The following DOP1B variants were observed in gnomAD, a reference collection of about 807,000 sequenced individuals.
The protein encoded by DOP1B is protein DOP1B.
In DOP1B, 174 loss-of-function variants were observed where a neutral mutation model predicts 233.5. That is an observed-to-expected ratio of 0.75 (90% CI 0.66 to 0.85). The LOEUF is 0.85. Among genes scored for constraint, DOP1B ranks in the 40% least tolerant of loss-of-function variants. DOP1B has a pLI of 0.00. For missense variants in DOP1B, 2,652 were observed against 2,846.6 expected (o/e 0.93, Z 1.56); for synonymous variants, 1,190 against 1,185.6 (o/e 1.00, Z -0.08).
chr21:36,262,009 C>T (rs1043973954), intron 24 of DOP1B: 3 of 974,996 alleles, frequency 3.1e-6, no homozygotes, highest in Non-Finnish European at 3.7e-6. Flanking sequence ...GTAAATAACT[C>T]CAACAACCAG....
At chr21:36,228,720 A>G (rs2066722329) in intron 13 of DOP1B, among the ~76,000 whole-genome samples, 2 of 151,958 alleles carry the variant, frequency 1.3e-5, no homozygotes, top group Non-Finnish European at 1.5e-5. Context: ...GAGCCGAGAT[A>G]GTGCCACTGC....
At chr21:36,168,834 A>G (rs914079595) in intron 2 of DOP1B, 4 of 324,326 alleles carry the variant, frequency 1.2e-5, no homozygotes, top group African/African-American at 6.6e-5. Context: ...TGCCCAGCCT[A>G]TTTTCAGTTT....
At position 36,212,034 on chromosome 21, in the gene DOP1B, G is replaced by T; in HGVS notation, c.841G>T (p.Ala281Ser). 6.2e-7 allele frequency: 1 copy of T among 1,613,716 alleles called. No homozygotes were observed. The change falls in exon 7 of 37, where the codon GCC becomes TCC. Residue 281 changes from alanine to serine, a missense_variant. Coordinates refer to ENST00000691173, the MANE Select transcript of DOP1B (RefSeq NM_001320714.2). ...TGACATCGTGCGCATTCTCTCAGCC[G>T]CCACCCAGACCCTACTGAGAAGGGA... ...RSDIVRILSA[A>S]TQTLLRRDMS...
chr21:36,157,242 C>T (rs1568989413), intron 1 of DOP1B, among the ~76,000 whole-genome samples: 1 of 152,140 alleles, frequency 6.6e-6, no homozygotes, highest in Non-Finnish European at 1.5e-5. Context: ...TGATGCCGGC[C>T]ACGCCCTCGC....
intron 24 of DOP1B, chr21:36,261,759 A>G (rs1360109925): frequency 1.4e-5 from 10 of 711,940 alleles, no homozygotes; most frequent in Non-Finnish European, 1.7e-5. Flanking sequence ...ACTACAAAAA[A>G]TTAGCCAGGG....
At chr21:36,212,868 G>C (rs954119653) in intron 7 of DOP1B, among the ~76,000 whole-genome samples, 2 of 152,112 alleles carry the variant, frequency 1.3e-5, no homozygotes, top group Non-Finnish European at 2.9e-5. Flanking sequence ...TACAACCTCG[G>C]CCTCCCAAGT....
chr21:36,169,851 G>T, intron 2 of DOP1B: 1 of 888,014 alleles, frequency 1.1e-6, no homozygotes, highest in Non-Finnish European at 1.9e-6. Flanking sequence ...ACTCATCGTT[G>T]ATGTGCTCAG....
intron 2 of DOP1B, among the ~76,000 whole-genome samples, chr21:36,187,629 CAG>C (rs919416607): frequency 6.8e-6 from 1 of 148,112 alleles, no homozygotes; most frequent in African/African-American, 2.5e-5. Context: ...ATTTTTGAGA[CAG>C]GGTCTCACTT....
Position 36,212,049 on chromosome 21 carries a change from C to T in DOP1B, c.856C>T (p.Leu286=). ...RILSAATQTL[L]RRDMSLNRRL... Reference sequence around the variant, plus strand: ...TCTCTCAGCCGCCACCCAGACCCTACTGAGAAGGGACATGTCCCTGAACAG... The same window carrying T: ...TCTCTCAGCCGCCACCCAGACCCTATTGAGAAGGGACATGTCCCTGAACAG... The change falls in exon 7 of 37, where the codon CTG becomes TTG. Residue 286 remains leucine (L), a synonymous_variant. Transcript: ENST00000691173. The T allele has an allele frequency of 3.7e-6, 6 of 1,613,926 alleles. No individual in the cohort carries two copies. The highest frequency in any genetic ancestry group is 5.1e-6 in the Non-Finnish European group (6 of 1,179,976).
intron 26 of DOP1B, among the ~76,000 whole-genome samples, chr21:36,268,964 G>A (rs943857493): frequency 2.0e-5 from 3 of 151,372 alleles, no homozygotes; most frequent in Non-Finnish European, 4.4e-5. Context: ...CACCGCGCCC[G>A]GCTGCAGTGA....
At chr21:36,288,968 G>A in intron 34 of DOP1B, 77 bp from the exon 35 acceptor site, 2 of 1,552,748 alleles carry the variant, frequency 1.3e-6, no homozygotes, top group Non-Finnish European at 1.7e-6. Flanking sequence ...AAATTCTTCT[G>A]AGGGACAGGT....
rs1217169693 is a variant in DOP1B, at chr21:36,231,230, A to G, written c.2350+96A>G. ...CCCCTATCCACAATGCTAGGGACCA[A>G]ATGTATTTTGGATTTCGGACTTTTT... On this transcript the variant is annotated intron_variant, in intron 14 of 36. Coordinates refer to ENST00000691173, the MANE Select transcript of DOP1B (RefSeq NM_001320714.2). 8 of 1,430,780 alleles carry G rather than the reference A, an allele frequency of 5.6e-6. No homozygotes were observed. In the Admixed American group the frequency reaches 2.1e-4, roughly 37 times the overall value. The allele number at this position is 1,430,780 out of a possible 1,614,324, so 88.6% of individuals were successfully genotyped here. A position where few individuals can be genotyped will look rare whatever the true frequency, so the allele number is the denominator to read the frequency against.
At chr21:36,231,679 G>GTTT (rs1224600446) in intron 14 of DOP1B, among the ~76,000 whole-genome samples, 3 of 131,920 alleles carry the variant, frequency 2.3e-5, no homozygotes, top group South Asian at 2.4e-4. Flanking sequence ...GGGTTTTTTT[G>GTTT]TTTTTTTTTT....
rs556908695 is a variant in DOP1B at position 36,194,975 on chromosome 21, G to A, written c.139-4095G>A. Among the ~76,000 whole-genome samples the A allele has an allele frequency of 7.5e-4, 114 of 152,194 alleles. 1 individual carries two copies. The highest frequency in any genetic ancestry group is 5.3e-3 in the East Asian group (27 of 5,112). On this transcript the variant is annotated intron_variant, in intron 2 of 36. Coordinates refer to ENST00000691173, the MANE Select transcript of DOP1B (RefSeq NM_001320714.2). Reference sequence around the variant, plus strand: ...AATCCCAGCACTTTGGGAGGCCAGTGCAGGTGGATCAATTGAGCCCAGGGG... The same window carrying A: ...AATCCCAGCACTTTGGGAGGCCAGTACAGGTGGATCAATTGAGCCCAGGGG...
chr21:36,288,933 C>A, intron 34 of DOP1B, 112 bp from the exon 35 acceptor site: 1 of 1,468,320 alleles, frequency 6.8e-7, no homozygotes, highest in Non-Finnish European at 9.3e-7. Flanking sequence ...AAAGGACCAG[C>A]TATTCCAAAA....
At position 36,217,452 on chromosome 21, in the gene DOP1B, G is replaced by T. The variant is rs568493387; in HGVS notation, c.1130-1920G>T. On this transcript the variant is annotated intron_variant, in intron 9 of 36. Transcript: ENST00000691173. ...TTACAAATGGAAAGACTAAGGTTGG[G>T]TGGGAGTAGGTAATTTGCCCAGGGC... Among the ~76,000 whole-genome samples the T allele has an allele frequency of 1.1e-4, 16 of 152,334 alleles. No individual in the cohort carries two copies. In the East Asian group the frequency reaches 2.3e-3, roughly 22 times the overall value.
Position 36,269,186 on chromosome 21 carries a change from G to T in DOP1B, c.5488-827G>T, listed in dbSNP as rs753309746. On this transcript the variant is annotated intron_variant, in intron 26 of 36. Coordinates refer to ENST00000691173, the MANE Select transcript of DOP1B (RefSeq NM_001320714.2). Reference sequence around the variant, plus strand: ...TTTTTTCTTTTTGAGACGAAGTTTCGCTCCTGTTGCCCAGGCTGGAGTGCA... The same window carrying T: ...TTTTTTCTTTTTGAGACGAAGTTTCTCTCCTGTTGCCCAGGCTGGAGTGCA... 2.0e-5 allele frequency among the ~76,000 whole-genome samples: 3 copies of T among 151,860 alleles called. 1 individual carries two copies. The highest frequency in any genetic ancestry group is 2.0e-4 in the Admixed American group (3 of 15,244).
At position 36,164,964 on chromosome 21, in the gene DOP1B, A is replaced by G. The variant is rs1216023836; in HGVS notation, c.138+93A>G. 1.6e-5 allele frequency: 18 copies of G among 1,149,386 alleles called. No individual in the cohort carries two copies. The Admixed American group carries it at 5.2e-4, about 33-fold the overall frequency. 71.2% of individuals were successfully genotyped at this position (1,149,386 alleles called of 1,614,324 possible). ...GAAATTACATGATTATATTATTTGT[A>G]TTTTATAATCTTTATATCATTACAT... On this transcript the variant is annotated intron_variant, in intron 2 of 36. Transcript: ENST00000691173.
chr21:36,192,537 A>G (rs940182585), intron 2 of DOP1B, among the ~76,000 whole-genome samples: 18 of 151,096 alleles, frequency 1.2e-4, no homozygotes, highest in Non-Finnish European at 3.0e-5. Flanking sequence ...GTGCCACCAC[A>G]CCCAGCTAAT....
Sources: allele counts gnomAD v4.1 joint callset (sites outside exome capture counted in the v4.1 genomes callset), GRCh38; gene constraint gnomAD v4.1.1; transcripts MANE v1.5; gene names NCBI Gene and HGNC (gene_info 2026-07-23, HGNC 2026-07-21).